Variants in VSNL1 observed in about 807,000 individuals in gnomAD.
The protein encoded by VSNL1 is visinin-like protein 1.
In VSNL1, 6 loss-of-function variants were observed where a neutral mutation model predicts 20.4. The observed-to-expected ratio is 0.29, with a 90% CI of 0.16 to 0.58. The LOEUF (loss-of-function observed/expected upper bound fraction) is 0.58, where lower values mean the gene tolerates loss of function less well. VSNL1 is among the 20% of genes least tolerant of loss of function. The pLI, the probability that VSNL1 is intolerant of heterozygous loss-of-function variation, is 0.90. For missense variants in VSNL1, 100 were observed against 234.5 expected, an observed-to-expected ratio of 0.43 and a Z score of 3.75; for synonymous variants, 93 against 86.4, an observed-to-expected ratio of 1.08 and a Z score of -0.42.
chr2:17,543,472 G>C (rs541686582), intron 1 of VSNL1, among the ~76,000 whole-genome samples: 2 of 152,216 alleles, frequency 1.3e-5, no homozygotes, highest in Non-Finnish European at 2.9e-5. Context: ...TGAGGAAGCT[G>C]CAGGGTTTCC....
intron 1 of VSNL1, among the ~76,000 whole-genome samples, chr2:17,572,460 C>T (rs1324377660): frequency 1.3e-5 from 2 of 151,874 alleles, no homozygotes; most frequent in Non-Finnish European, 2.9e-5. Flanking sequence ...TAGTCTTACA[C>T]TGTGACTGGA....
chr2:17,568,084 A>G (rs1663996467), intron 1 of VSNL1, among the ~76,000 whole-genome samples: 1 of 151,868 alleles, frequency 6.6e-6, no homozygotes, highest in African/African-American at 2.4e-5. Flanking sequence ...CTATCTTCTT[A>G]TATTATATTT....
intron 1 of VSNL1, among the ~76,000 whole-genome samples, chr2:17,553,931 G>A (rs746027560): frequency 2.6e-5 from 4 of 152,142 alleles, no homozygotes; most frequent in Non-Finnish European, 5.9e-5. Context: ...AATTTAAATT[G>A]AGAAGTTAAA....
At chr2:17,632,563 T>A (rs1005470001) in intron 2 of VSNL1, among the ~76,000 whole-genome samples, 2 of 152,022 alleles carry the variant, frequency 1.3e-5, no homozygotes, top group African/African-American at 4.8e-5. Flanking sequence ...CCTCCAAAAG[T>A]GCTGGGATTA....
At chr2:17,565,212 G>A (rs1663909489) in intron 1 of VSNL1, among the ~76,000 whole-genome samples, 1 of 152,120 alleles carries the variant, frequency 6.6e-6, no homozygotes, top group African/African-American at 2.4e-5. Flanking sequence ...TTAGGGAGAA[G>A]TCTGAATTAC....
chr2:17,580,125 T>C (rs1664317068), intron 1 of VSNL1, among the ~76,000 whole-genome samples: 1 of 152,230 alleles, frequency 6.6e-6, no homozygotes, highest in Non-Finnish European at 1.5e-5. Context: ...GCTTTGTAAA[T>C]GCTAAAGCAC....
At chr2:17,570,897 C>T (rs763131351) in intron 1 of VSNL1, among the ~76,000 whole-genome samples, 2 of 151,830 alleles carry the variant, frequency 1.3e-5, no homozygotes, top group Admixed American at 6.6e-5. Flanking sequence ...ATACCAGGTG[C>T]GGTGGTGGCG....
chr2:17,550,734 T>C (rs1663514812), intron 1 of VSNL1, among the ~76,000 whole-genome samples: 1 of 152,138 alleles, frequency 6.6e-6, no homozygotes, highest in Non-Finnish European at 1.5e-5. Flanking sequence ...TTGGATAAGC[T>C]CTTGAACTCA....
intron 2 of VSNL1, among the ~76,000 whole-genome samples, chr2:17,622,994 T>A (rs2103404765): frequency 6.6e-6 from 1 of 152,248 alleles, no homozygotes; most frequent in East Asian, 1.9e-4. Flanking sequence ...TAAACACTTG[T>A]GGGGTGGGTT....
intron 2 of VSNL1, 55 bp downstream of exon 2, chr2:17,592,291 A>G: frequency 6.4e-7 from 1 of 1,555,946 alleles, no homozygotes; most frequent in Non-Finnish European, 8.8e-7. Flanking sequence ...TATGGCCTTC[A>G]TGAAATTGTA....
intron 3 of VSNL1, among the ~76,000 whole-genome samples, chr2:17,654,084 T>A (rs1044802732): frequency 6.6e-6 from 1 of 152,266 alleles, no homozygotes; most frequent in Non-Finnish European, 1.5e-5. Context: ...TTTTACCGTA[T>A]AGCTGTATCC....
intron 1 of VSNL1, among the ~76,000 whole-genome samples, chr2:17,578,922 T>C (rs62132070): frequency 0.033 from 5,020 of 152,214 alleles, 88 homozygotes; most frequent in East Asian, 0.097. Context: ...CCATCCAGCT[T>C]CCAAAACCCT....
chr2:17,590,035 C>T (rs2103374206), intron 1 of VSNL1, among the ~76,000 whole-genome samples: 1 of 152,304 alleles, frequency 6.6e-6, no homozygotes, highest in East Asian at 1.9e-4. Context: ...CAAATTCTAG[C>T]TCCGCCATGC....
At chr2:17,622,604 AGAAAGAAAG>A (rs145394325) in intron 2 of VSNL1, among the ~76,000 whole-genome samples, 5,983 of 148,928 alleles carry the variant, frequency 0.04, 233 homozygotes, top group East Asian at 0.069. Flanking sequence ...AAGAAAGAAA[AGAAAGAAAG>A]ATCTTCAATG....
intron 1 of VSNL1, among the ~76,000 whole-genome samples, chr2:17,584,982 A>G (rs1444319335): frequency 6.6e-6 from 1 of 152,060 alleles, no homozygotes; most frequent in Admixed American, 6.5e-5. Context: ...ACTTTGGCAA[A>G]CAGAACTCTT....
intron 2 of VSNL1, among the ~76,000 whole-genome samples, chr2:17,608,158 G>A (rs925945925): frequency 1.1e-4 from 17 of 152,196 alleles, no homozygotes; most frequent in African/African-American, 3.9e-4. Flanking sequence ...GATATTCAGA[G>A]AAAAATGTGA....
chr2:17,579,517 A>G (rs1572344448), intron 1 of VSNL1, among the ~76,000 whole-genome samples: 1 of 152,250 alleles, frequency 6.6e-6, no homozygotes, highest in African/African-American at 2.4e-5. Flanking sequence ...TACAATTTGC[A>G]AACTGGCTCC....
At chr2:17,605,553 A>G (rs1294096618) in intron 2 of VSNL1, among the ~76,000 whole-genome samples, 2 of 152,280 alleles carry the variant, frequency 1.3e-5, no homozygotes, top group South Asian at 2.1e-4. Flanking sequence ...AAGGTATTAC[A>G]CTGATGCAAG....
rs1484234636 is a variant in VSNL1, at chr2:17,634,177, A to T, written c.163-15233A>T. Among the ~76,000 whole-genome samples, 1 of 152,204 alleles carries T rather than the reference A, an allele frequency of 6.6e-6. No individual in the cohort carries two copies. The highest frequency in any genetic ancestry group is 1.5e-5 in the Non-Finnish European group (1 of 68,036). On this transcript the variant is annotated intron_variant, in intron 2 of 3. Coordinates refer to ENST00000295156, the MANE Select transcript of VSNL1 (RefSeq NM_003385.5). The surrounding 1 kb of genome is among the most constrained non-coding windows in gnomAD (Gnocchi z 4.3). ...GAGAGGTTAAGGCCTAGACTTGCAGATGCGCTCACTCATTGTAACAGCAGT... is the reference window on the plus strand; with the variant it reads ...GAGAGGTTAAGGCCTAGACTTGCAGTTGCGCTCACTCATTGTAACAGCAGT...
Sources: allele counts gnomAD v4.1 joint callset (sites outside exome capture counted in the v4.1 genomes callset), GRCh38; gene constraint gnomAD v4.1.1; non-coding constraint Gnocchi (gnomAD v3.1); transcripts MANE v1.5; gene names NCBI Gene and HGNC (gene_info 2026-07-23, HGNC 2026-07-21).